Variants in PFKFB3 observed in about 807,000 individuals in gnomAD.
The protein encoded by PFKFB3 is 6-phosphofructo-2-kinase/fructose-2,6-biphosphatase 3.
PFKFB3 carries 33 observed loss-of-function variants against 68.0 expected under a neutral mutation model. That is an observed-to-expected ratio of 0.49 (90% CI 0.37 to 0.65). The LOEUF is 0.65. PFKFB3 is among the 30% of genes least tolerant of loss of function. The pLI, the probability that PFKFB3 is intolerant of heterozygous loss-of-function variation, is 0.00. For missense variants in PFKFB3, 586 were observed against 712.2 expected, an observed-to-expected ratio of 0.82 and a Z score of 2.02; for synonymous variants, 315 against 288.2, an observed-to-expected ratio of 1.09 and a Z score of -0.94.
intron 1 of PFKFB3, among the ~76,000 whole-genome samples, chr10:6,179,612 C>T (rs1842648068): frequency 6.6e-6 from 1 of 152,218 alleles, no homozygotes; most frequent in South Asian, 2.1e-4. Context: ...TGTGGAGGCC[C>T]AGGAGGACTG....
intron 8 of PFKFB3, among the ~76,000 whole-genome samples, chr10:6,221,125 A>ATG (rs1844928709): frequency 6.6e-6 from 1 of 151,116 alleles, no homozygotes; most frequent in African/African-American, 2.4e-5. Context: ...ATGTGTTTGT[A>ATG]TGTGTGTCTC....
At chr10:6,262,065 G>A in the PFKFB3 span, among the ~76,000 whole-genome samples, 1 of 150,742 alleles carries the variant, frequency 6.6e-6, no homozygotes, top group South Asian at 2.1e-4. Context: ...CTTAATACCT[G>A]GGTGATGAAA....
chr10:6,220,692 C>T lies in PFKFB3; in HGVS notation c.658C>T (p.Arg220Trp), dbSNP rs767650284. 1.5e-5 allele frequency: 24 copies of T among 1,613,784 alleles called. No individual in the cohort carries two copies. The highest frequency in any genetic ancestry group is 2.2e-5 in the East Asian group (1 of 44,878). Reference sequence around the variant, plus strand: ...GCTGATCAAGGTGATTGACGTGGGCCGGAGGTTCCTGGTGAACCGGGTGCA... The same window carrying T: ...GCTGATCAAGGTGATTGACGTGGGCTGGAGGTTCCTGGTGAACCGGGTGCA... ...LSLIKVIDVGRRFLVNRVQDH... is the reference protein window; with the variant it reads ...LSLIKVIDVGWRFLVNRVQDH... The change falls in exon 8 of 15, where the codon CGG becomes TGG. Residue 220 changes from arginine to tryptophan, a missense_variant. Physicochemically the swap from Arg to Trp is moderately radical, Grantham distance 101 (BLOSUM62 -3). Coordinates refer to ENST00000379775, the MANE Select transcript of PFKFB3 (RefSeq NM_004566.4). This position sits in a 1 kb window ranked among gnomAD's most constrained non-coding sequence, Gnocchi z 4.1.
Position 6,154,436 on chromosome 10 carries a change from C to A in PFKFB3, c.16+9423C>A, listed in dbSNP as rs894764702. ...AATTTTTTTGTATTTTTAGTAGAGA[C>A]GGAATTTCACCACGTTGGTCAGGCT... On this transcript the variant is annotated intron_variant, in intron 1 of 14. Transcript: ENST00000379789. The surrounding 1 kb of genome is among the most constrained non-coding windows in gnomAD (Gnocchi z 4.6). Among the ~76,000 whole-genome samples, 2 of 152,048 alleles carry A rather than the reference C, an allele frequency of 1.3e-5. No homozygotes were observed. The highest frequency in any genetic ancestry group is 2.9e-5 in the Non-Finnish European group (2 of 68,016).
upstream of PFKFB3, among the ~76,000 whole-genome samples, chr10:6,201,561 G>T (rs1323180547): frequency 1.3e-5 from 2 of 151,506 alleles, no homozygotes; most frequent in Non-Finnish European, 2.9e-5. The surrounding 1 kb of genome is among the most constrained non-coding windows in gnomAD (Gnocchi z 4.1). Context: ...AGGAGTGGAG[G>T]CCCGGGTGGG....
intron 1 of PFKFB3, among the ~76,000 whole-genome samples, chr10:6,190,578 G>T (rs890313386): frequency 5.9e-5 from 9 of 152,120 alleles, no homozygotes; most frequent in East Asian, 3.9e-4. Flanking sequence ...AGGCAGGGGG[G>T]ACTGCTTGAG....
At chr10:6,170,581 T>C (rs985765605) in intron 1 of PFKFB3, among the ~76,000 whole-genome samples, 5 of 152,198 alleles carry the variant, frequency 3.3e-5, no homozygotes, top group African/African-American at 4.8e-5. Flanking sequence ...CTAGAAACTT[T>C]CAACCACAAA....
the PFKFB3 span, among the ~76,000 whole-genome samples, chr10:6,308,866 G>A: frequency 2.0e-5 from 3 of 152,148 alleles, no homozygotes; most frequent in Non-Finnish European, 4.4e-5. Flanking sequence ...TAAAGATGCC[G>A]ATAGGCCACC....
intron 1 of PFKFB3, among the ~76,000 whole-genome samples, chr10:6,196,110 G>T (rs2131835147): frequency 6.6e-6 from 1 of 151,886 alleles, no homozygotes; most frequent in South Asian, 2.1e-4. Context: ...GCAGCAGGGT[G>T]CTGCCTCGTG....
rs1414439056 is a variant in PFKFB3, at chr10:6,146,331, C to A, written c.16+1318C>A. On this transcript the variant is annotated intron_variant, in intron 1 of 14. Coordinates refer to the PFKFB3 transcript ENST00000379789. ...CCTAGGTATCAGCGTGGGCTCCTGG[C>A]GGTGAAGGGGGTGGCTGCTGACTCT... 5.9e-6 allele frequency: 9 copies of A among 1,527,244 alleles called. No homozygotes were observed. In the African/African-American group the frequency reaches 6.9e-5, roughly 12 times the overall value. The allele number at this position is 1,527,244 out of a possible 1,614,324, so 94.6% of individuals were successfully genotyped here. A position where few individuals can be genotyped will look rare whatever the true frequency, so the allele number is the denominator to read the frequency against.
chr10:6,323,167 A>G, the PFKFB3 span, among the ~76,000 whole-genome samples: 6,793 of 152,324 alleles, frequency 0.045, 520 homozygotes, highest in African/African-American at 0.15. Context: ...ATCTGTATCT[A>G]TATCCATAGA....
intron 6 of PFKFB3, among the ~76,000 whole-genome samples, chr10:6,219,267 C>T (rs1347377030): frequency 6.6e-6 from 1 of 152,200 alleles, no homozygotes; most frequent in African/African-American, 2.4e-5. Context: ...GGCGGTGACT[C>T]GGGCACGGGA....
intron 1 of PFKFB3, among the ~76,000 whole-genome samples, chr10:6,197,412 G>A (rs1269818106): frequency 2.0e-5 from 3 of 152,202 alleles, no homozygotes; most frequent in African/African-American, 7.2e-5. Flanking sequence ...ACCTAGATGT[G>A]TAGTAGGCTC....
At chr10:6,302,796 A>ATC in the PFKFB3 span, among the ~76,000 whole-genome samples, 2 of 136,940 alleles carry the variant, frequency 1.5e-5, no homozygotes, top group African/African-American at 2.7e-5. Flanking sequence ...ACATACACAT[A>ATC]TATATATATA....
chr10:6,226,167 T>A lies in PFKFB3; in HGVS notation c.1342-25T>A, dbSNP rs374883540. On this transcript the variant is annotated intron_variant, in intron 13 of 14. Transcript: ENST00000379775. ...CCCTTCTTTGTAACTGTCGCCTTTC[T>A]CTCTTTTGTCTTTGTCTTGCTTAGG... 10 of 1,534,484 alleles carry A rather than the reference T, an allele frequency of 6.5e-6. No homozygotes were observed. The South Asian group carries it at 1.1e-4, about 17-fold the overall frequency.
At chr10:6,243,357 A>T (rs1019913052) in intron 14 of PFKFB3, among the ~76,000 whole-genome samples, 6 of 152,232 alleles carry the variant, frequency 3.9e-5, no homozygotes, top group African/African-American at 1.4e-4. Flanking sequence ...TTACTTAGTT[A>T]TTAAATCCCA....
intron 1 of PFKFB3, among the ~76,000 whole-genome samples, chr10:6,157,096 A>C (rs968512484): frequency 2.6e-5 from 4 of 151,772 alleles, no homozygotes; most frequent in Non-Finnish European, 5.9e-5. Context: ...CATCTGAAAA[A>C]AATAAAAATA....
intron 1 of PFKFB3, among the ~76,000 whole-genome samples, chr10:6,170,298 G>A (rs536876137): frequency 1.3e-5 from 2 of 152,310 alleles, no homozygotes; most frequent in African/African-American, 2.4e-5. Flanking sequence ...ATCTAGAAAC[G>A]AGAGAGAACG....
intron 12 of PFKFB3, 55 bp downstream of exon 12, chr10:6,224,075 C>T: frequency 6.2e-7 from 1 of 1,607,916 alleles, no homozygotes; most frequent in Non-Finnish European, 8.5e-7. Flanking sequence ...ACAGTAGCTT[C>T]TTGTGGCCGT....
Sources: gnomAD v4.1 joint callset for allele counts (sites outside exome capture counted in the v4.1 genomes callset) on GRCh38, gnomAD v4.1.1 for gene constraint, Gnocchi (gnomAD v3.1) non-coding constraint, MANE v1.5 for transcripts, NCBI Gene and HGNC (gene_info 2026-07-23, HGNC 2026-07-21) for gene names.